Variants in ADAMTSL1 observed in about 807,000 individuals in gnomAD.
ADAMTSL1 encodes ADAMTS like 1.
In ADAMTSL1, 126 loss-of-function variants were observed where a neutral mutation model predicts 201.8. The ratio of observed to expected loss-of-function variants is 0.62; its 90% CI spans 0.54 to 0.72. The LOEUF (loss-of-function observed/expected upper bound fraction) is 0.72. ADAMTSL1 is among the 30% of genes least tolerant of loss of function. The pLI, the probability that ADAMTSL1 is intolerant of heterozygous loss-of-function variation, is 0.00. For missense variants in ADAMTSL1, 2,679 were observed against 2,277.8 expected, an observed-to-expected ratio of 1.18 and a Z score of -3.59; for synonymous variants, 1,121 against 903.4, an observed-to-expected ratio of 1.24 and a Z score of -4.32.
intron 2 of ADAMTSL1, among the ~76,000 whole-genome samples, chr9:18,234,020 A>T (rs1830746013): frequency 6.6e-6 from 1 of 152,236 alleles, no homozygotes; most frequent in African/African-American, 2.4e-5. Flanking sequence ...AAGTGAAGTG[A>T]GAACGCCTGT....
chr9:18,886,209 T>TAC (rs1425355028), intron 23 of ADAMTSL1, among the ~76,000 whole-genome samples: 1 of 118,048 alleles, frequency 8.5e-6, no homozygotes, highest in African/African-American at 3.8e-5. Context: ...TATATATATA[T>TAC]ATACACACAC....
intron 1 of ADAMTSL1, among the ~76,000 whole-genome samples, chr9:18,102,103 G>A (rs1254529359): frequency 6.6e-6 from 1 of 152,174 alleles, no homozygotes; most frequent in Non-Finnish European, 1.5e-5. Flanking sequence ...AGACATGTCT[G>A]TTTTTGAATA....
At chr9:18,270,221 G>A (rs1349912155) in intron 2 of ADAMTSL1, among the ~76,000 whole-genome samples, 5 of 151,976 alleles carry the variant, frequency 3.3e-5, no homozygotes, top group African/African-American at 1.2e-4. Flanking sequence ...TCTTCACAAG[G>A]TAGAAGGGAC....
chr9:18,309,227 A>G (rs1468430591), intron 2 of ADAMTSL1, among the ~76,000 whole-genome samples: 1 of 152,218 alleles, frequency 6.6e-6, no homozygotes, highest in Non-Finnish European at 1.5e-5. Flanking sequence ...CACAGCCAAT[A>G]TCTTACTGAA....
At chr9:18,639,442 G>A in intron 7 of ADAMTSL1, 31 bp downstream of exon 7, 1 of 1,598,776 alleles carries the variant, frequency 6.3e-7, no homozygotes, top group South Asian at 1.1e-5. Flanking sequence ...TCCTTTTCAA[G>A]CCACATCCCA....
intron 2 of ADAMTSL1, among the ~76,000 whole-genome samples, chr9:18,423,140 G>A (rs1210111705): frequency 1.3e-5 from 2 of 152,172 alleles, no homozygotes; most frequent in Admixed American, 6.5e-5. Context: ...AAGGCCCCAA[G>A]GGATTACTTG....
At chr9:18,725,299 A>G (rs561170509) in intron 15 of ADAMTSL1, among the ~76,000 whole-genome samples, 2 of 152,216 alleles carry the variant, frequency 1.3e-5, no homozygotes, top group Non-Finnish European at 2.9e-5. Flanking sequence ...AGAGGGACAG[A>G]TGGAGGTTAA....
chr9:17,927,966 T>G lies in ADAMTSL1; in HGVS notation c.87+21044T>G, dbSNP rs1588429769. ...TTGATGTTCCATTTTGCTTTATGTGTGGTTCTTTTTCTTTTCTTTTCTTTC... is the reference window on the plus strand; with the variant it reads ...TTGATGTTCCATTTTGCTTTATGTGGGGTTCTTTTTCTTTTCTTTTCTTTC... On this transcript the variant is annotated intron_variant, in intron 1 of 29. Coordinates refer to the ADAMTSL1 transcript ENST00000680146. Among the ~76,000 whole-genome samples, 4 of 152,048 alleles carry G rather than the reference T, an allele frequency of 2.6e-5. No individual in the cohort carries two copies. In the Middle Eastern group the frequency reaches 0.014, roughly 521 times the overall value.
chr9:18,332,044 G>C (rs1835050390), intron 2 of ADAMTSL1, among the ~76,000 whole-genome samples: 1 of 152,150 alleles, frequency 6.6e-6, no homozygotes, highest in Non-Finnish European at 1.5e-5. Flanking sequence ...AATTTCTCCA[G>C]CCCTGGGATT....
chr9:18,258,012 T>C (rs1467079233), intron 2 of ADAMTSL1, among the ~76,000 whole-genome samples: 3 of 152,110 alleles, frequency 2.0e-5, no homozygotes, highest in Non-Finnish European at 4.4e-5. Flanking sequence ...CTGTTTGGGA[T>C]GATGAAAAAG....
intron 26 of ADAMTSL1, among the ~76,000 whole-genome samples, chr9:18,898,961 C>A (rs1453410261): frequency 1.3e-5 from 2 of 152,100 alleles, no homozygotes; most frequent in African/African-American, 2.4e-5. Context: ...GGCAATCAGG[C>A]AAGAGAAAGA....
chr9:18,807,363 G>T (rs2131123117), intron 20 of ADAMTSL1, among the ~76,000 whole-genome samples: 1 of 152,308 alleles, frequency 6.6e-6, no homozygotes, highest in Admixed American at 6.5e-5. Context: ...ACATAGTACA[G>T]GCCGGGCGCG....
At chr9:18,894,052 CAG>C (rs1588329958) in intron 26 of ADAMTSL1, among the ~76,000 whole-genome samples, 1 of 152,166 alleles carries the variant, frequency 6.6e-6, no homozygotes, top group African/African-American at 2.4e-5. Context: ...AATGAGGTGA[CAG>C]AATAGAAATA....
At chr9:18,651,913 T>C (rs927619687) in intron 7 of ADAMTSL1, among the ~76,000 whole-genome samples, 1 of 150,870 alleles carries the variant, frequency 6.6e-6, no homozygotes, top group Non-Finnish European at 1.5e-5. Flanking sequence ...TATAAAATTA[T>C]ATATATATAT....
At chr9:18,225,068 T>C (rs1830395103) in intron 2 of ADAMTSL1, among the ~76,000 whole-genome samples, 1 of 152,132 alleles carries the variant, frequency 6.6e-6, no homozygotes, top group African/African-American at 2.4e-5. Flanking sequence ...TGGGATAAAA[T>C]AACCAGACAA....
chr9:18,818,853 T>C (rs958019209), intron 21 of ADAMTSL1, among the ~76,000 whole-genome samples: 1 of 152,152 alleles, frequency 6.6e-6, no homozygotes, highest in Admixed American at 6.5e-5. Context: ...TAGCTTTGCC[T>C]TTGTAAAGCT....
At chr9:18,850,999 T>A (rs1340393540) in intron 23 of ADAMTSL1, among the ~76,000 whole-genome samples, 1 of 152,210 alleles carries the variant, frequency 6.6e-6, no homozygotes, top group Non-Finnish European at 1.5e-5. Flanking sequence ...ATTGCTAATT[T>A]TTTTTTACCT....
intron 2 of ADAMTSL1, among the ~76,000 whole-genome samples, chr9:18,352,074 A>G (rs1359811563): frequency 6.6e-6 from 1 of 151,646 alleles, no homozygotes; most frequent in Admixed American, 6.6e-5. Flanking sequence ...TTTTTTTTTT[A>G]GTATCTTAAG....
chr9:18,512,801 A>G (rs1297646523), intron 2 of ADAMTSL1, among the ~76,000 whole-genome samples: 2 of 152,144 alleles, frequency 1.3e-5, no homozygotes, highest in Non-Finnish European at 2.9e-5. Context: ...TTCCTAATTC[A>G]ATTGTATGAA....
Sources: allele counts gnomAD v4.1 joint callset (sites outside exome capture counted in the v4.1 genomes callset), GRCh38; gene constraint gnomAD v4.1.1; transcripts MANE v1.5; gene names NCBI Gene and HGNC (gene_info 2026-07-23, HGNC 2026-07-21).